The following ASXL2 variants were observed in gnomAD, a reference collection of about 807,000 sequenced individuals.
The protein encoded by ASXL2 is ASXL transcriptional regulator 2, also known as putative Polycomb group protein ASXL2.
In ASXL2, 23 loss-of-function variants were observed where a neutral mutation model predicts 122.0. The observed-to-expected ratio is 0.19, with a 90% CI of 0.14 to 0.27. The LOEUF (loss-of-function observed/expected upper bound fraction) is 0.27. Among genes scored for constraint, ASXL2 ranks in the 10% least tolerant of loss-of-function variants. The pLI, the probability that ASXL2 is intolerant of heterozygous loss-of-function variation, is 1.00. For missense variants in ASXL2, 1,518 were observed against 1,713.8 expected (o/e 0.89, Z 2.02); for synonymous variants, 650 against 637.0 (o/e 1.02, Z -0.31).
In ASXL2 at chr2:25,742,681, G is replaced by A. The variant is rs1327962799; in HGVS notation, c.3656C>T (p.Thr1219Ile). Reference sequence around the variant, plus strand: ...AGCTAAGCAATCACTGGTAGATAGAGTTTCCCTGCTGTGAGGTCCTGAACT... The same window carrying A: ...AGCTAAGCAATCACTGGTAGATAGAATTTCCCTGCTGTGAGGTCCTGAACT... ...DTSSGPHSRETLSTSDCLASK... is the reference protein window; with the variant it reads ...DTSSGPHSREILSTSDCLASK... Residue 1219 changes from threonine (T) to isoleucine (I), a missense_variant, in exon 13 of 13, where the codon ACT becomes ATT. By Grantham distance (89) the Thr-to-Ile change is moderately conservative (BLOSUM62 -1). This residue lies in a region of ASXL2 where 831 missense variants were observed against 833.1 expected (regional missense o/e 1.00). Coordinates refer to ENST00000435504, the MANE Select transcript of ASXL2 (RefSeq NM_018263.6). 5.6e-6 allele frequency: 9 copies of A among 1,613,876 alleles called. No homozygotes were observed. Among genetic ancestry groups the A allele is most frequent in the Non-Finnish European group, 7.6e-6 (9 of 1,179,892 alleles).
At chr2:25,850,501 G>C (rs992928853) in intron 1 of ASXL2, among the ~76,000 whole-genome samples, 3 of 152,124 alleles carry the variant, frequency 2.0e-5, no homozygotes, top group Non-Finnish European at 2.9e-5. Context: ...AAATCTAGAG[G>C]CTTGCTCAGA....
intron 5 of ASXL2, among the ~76,000 whole-genome samples, chr2:25,777,347 G>A (rs1366478408): frequency 2.6e-5 from 4 of 151,960 alleles, no homozygotes; most frequent in Non-Finnish European, 4.4e-5. Context: ...CAGCAAATAA[G>A]ACTTAAACAC....
chr2:25,756,310 T>C (rs2088132277), intron 9 of ASXL2, among the ~76,000 whole-genome samples, 196 bp from the exon 10 acceptor site: 1 of 151,938 alleles, frequency 6.6e-6, no homozygotes, highest in Non-Finnish European at 1.5e-5. Flanking sequence ...GCTTTCCTGT[T>C]TACCTCTCCT....
At chr2:25,863,287 G>A (rs551904670) in intron 1 of ASXL2, among the ~76,000 whole-genome samples, 15 of 149,960 alleles carry the variant, frequency 1.0e-4, no homozygotes, top group African/African-American at 3.2e-4. Flanking sequence ...CCAAGATCGC[G>A]CCACTGCACT....
At chr2:25,803,452 A>G (rs2089030198) in intron 4 of ASXL2, among the ~76,000 whole-genome samples, 1 of 152,194 alleles carries the variant, frequency 6.6e-6, no homozygotes, top group South Asian at 2.1e-4. Context: ...GACAGTTGGC[A>G]TCTGAAGGGG....
intron 5 of ASXL2, among the ~76,000 whole-genome samples, chr2:25,772,856 A>C (rs1310449665): frequency 1.3e-5 from 2 of 151,674 alleles, no homozygotes; most frequent in Admixed American, 6.6e-5. Context: ...ATTTACTTAG[A>C]TGTCCTAAGA....
intron 5 of ASXL2, among the ~76,000 whole-genome samples, chr2:25,772,852 T>C (rs1379275827): frequency 6.6e-6 from 1 of 152,022 alleles, no homozygotes; most frequent in Admixed American, 6.6e-5. Context: ...TTCAATTTAC[T>C]TAGATGTCCT....
chr2:25,814,901 C>T (rs1559519087), intron 3 of ASXL2, among the ~76,000 whole-genome samples: 1 of 152,202 alleles, frequency 6.6e-6, no homozygotes, highest in Non-Finnish European at 1.5e-5. Flanking sequence ...GGGCAAGTCA[C>T]TTTAAACACC....
At chr2:25,831,418 T>A (rs1468972574) in intron 3 of ASXL2, among the ~76,000 whole-genome samples, 2 of 152,114 alleles carry the variant, frequency 1.3e-5, no homozygotes, top group Admixed American at 1.3e-4. Context: ...CCCAGCACTT[T>A]GGGAGGGCAA....
Position 25,749,895 on chromosome 2 carries a change from G to A in ASXL2, c.1661C>T (p.Pro554Leu), listed in dbSNP as rs532861409. 4.2e-5 allele frequency: 68 copies of A among 1,612,316 alleles called. 1 individual carries two copies. The Admixed American group carries it at 9.7e-4, about 23-fold the overall frequency. The change falls in exon 12 of 13, where the codon CCT (proline) becomes CTT (leucine). Residue 554 changes from proline to leucine, a missense_variant. Around this residue, in one of 8 missense-constraint regions of ASXL2, gnomAD observed 292 missense variants for 293.5 expected, o/e 1.00. Transcript: ENST00000435504. ...AGPQETNMKEPLATLVDQSPE... is the reference protein window; with the variant it reads ...AGPQETNMKELLATLVDQSPE... ...GCTCTGATCAACAAGAGTTGCTAGA[G>A]GTTCTTTCATATTAGTCTCCTGTGG...
At chr2:25,812,208 C>T (rs1054243614) in intron 3 of ASXL2, among the ~76,000 whole-genome samples, 1 of 150,496 alleles carries the variant, frequency 6.6e-6, no homozygotes, top group African/African-American at 2.4e-5. Flanking sequence ...TCTATAATCC[C>T]AGCACTTTGG....
chr2:25,806,948 T>C (rs2089091352), intron 3 of ASXL2, among the ~76,000 whole-genome samples: 1 of 151,858 alleles, frequency 6.6e-6, no homozygotes, highest in African/African-American at 2.4e-5. Context: ...AATTAATAAT[T>C]ATACCACAGT....
chr2:25,866,134 C>CTT (rs779728638), intron 1 of ASXL2, among the ~76,000 whole-genome samples: 28 of 141,304 alleles, frequency 2.0e-4, no homozygotes, highest in African/African-American at 4.1e-4. Context: ...TTTCTTTTTT[C>CTT]TTTTTTTTTT....
chr2:25,842,788 GTGTGTATA>G (rs1402062142), intron 2 of ASXL2, among the ~76,000 whole-genome samples: 28 of 131,926 alleles, frequency 2.1e-4, no homozygotes, highest in African/African-American at 5.7e-4. Flanking sequence ...GTGTGTGTGT[GTGTGTATA>G]TATATATATA....
chr2:25,847,546 C>A (rs2089662969), intron 1 of ASXL2, among the ~76,000 whole-genome samples: 1 of 152,170 alleles, frequency 6.6e-6, no homozygotes, highest in South Asian at 2.1e-4. Flanking sequence ...ATCCCACATG[C>A]ATTTCAAACT....
At chr2:25,799,653 A>G (rs2088965985) in intron 4 of ASXL2, 118 bp from the exon 5 acceptor site, 1 of 1,212,292 alleles carries the variant, frequency 8.2e-7, no homozygotes, top group Non-Finnish European at 1.1e-6. Flanking sequence ...TATAGGATTC[A>G]GTAGCAGAAC....
At chr2:25,844,649 AT>A (rs200317556) in intron 2 of ASXL2, among the ~76,000 whole-genome samples, 22,303 of 145,996 alleles carry the variant, frequency 0.15, 2,067 homozygotes, top group Non-Finnish European at 0.22. Flanking sequence ...TATTACTGTA[AT>A]TTTTTTTTTT....
At chr2:25,826,869 T>C (rs2089384837) in intron 3 of ASXL2, among the ~76,000 whole-genome samples, 1 of 149,000 alleles carries the variant, frequency 6.7e-6, no homozygotes, top group Admixed American at 6.7e-5. Context: ...AGAGACAGGG[T>C]CTTGCTCTGT....
At chr2:25,856,462 C>CA (rs1321970470) in intron 1 of ASXL2, 1 of 969,674 alleles carries the variant, frequency 1.0e-6, no homozygotes, top group Non-Finnish European at 1.6e-6. Flanking sequence ...TCCAGCTTCT[C>CA]ACTTGGCCTT....
Sources: allele counts gnomAD v4.1 joint callset (sites outside exome capture counted in the v4.1 genomes callset), GRCh38; gene constraint gnomAD v4.1.1; regional missense constraint gnomAD v4.1.1; transcripts MANE v1.5; gene names NCBI Gene and HGNC (gene_info 2026-07-23, HGNC 2026-07-21).